Variants in DCUN1D4 observed in about 807,000 individuals in gnomAD.
The protein encoded by DCUN1D4 is DCN1-like protein 4.
DCUN1D4 carries 22 observed loss-of-function variants against 47.9 expected under a neutral mutation model. That is an observed-to-expected ratio of 0.46 (90% CI 0.33 to 0.66). DCUN1D4 has a LOEUF of 0.66. DCUN1D4 is among the 30% of genes least tolerant of loss of function. The probability of loss-of-function intolerance (pLI) is 0.02; values close to 1 mark genes in which losing one functional copy is unlikely to be tolerated. For missense variants in DCUN1D4, 301 were observed against 340.8 expected, an observed-to-expected ratio of 0.88 and a Z score of 0.92; for synonymous variants, 121 against 112.2, an observed-to-expected ratio of 1.08 and a Z score of -0.50.
chr4:51,839,803 T>A (rs1255876161), upstream of DCUN1D4, among the ~76,000 whole-genome samples: 1 of 152,174 alleles, frequency 6.6e-6, no homozygotes, highest in Non-Finnish European at 1.5e-5. Flanking sequence ...ACTATGCTAT[T>A]CTTCCTCCTA....
chr4:51,852,333 TAGG>T (rs1723496623), intron 1 of DCUN1D4, among the ~76,000 whole-genome samples: 2 of 152,238 alleles, frequency 1.3e-5, no homozygotes, highest in African/African-American at 4.8e-5. Context: ...TTTTTAAATA[TAGG>T]AGATCTCAAC....
chr4:51,910,100 G>A (rs1733497986), intron 8 of DCUN1D4, among the ~76,000 whole-genome samples: 2 of 152,094 alleles, frequency 1.3e-5, no homozygotes, highest in Non-Finnish European at 2.9e-5. Context: ...GGCTAGCCAG[G>A]CACTTTCTCC....
intron 1 of DCUN1D4, chr4:51,844,866 C>T (rs1722265293): frequency 1.0e-6 from 1 of 985,362 alleles, no homozygotes. Flanking sequence ...GCAGCGCGCC[C>T]TTGGAGCCTT....
At chr4:51,897,746 C>A (rs1731487986) in intron 7 of DCUN1D4, among the ~76,000 whole-genome samples, 1 of 152,176 alleles carries the variant, frequency 6.6e-6, no homozygotes, top group Admixed American at 6.5e-5. Context: ...CAAGGAAATG[C>A]TCAGAGACTT....
chr4:51,902,161 A>AT (rs922816704), intron 8 of DCUN1D4, among the ~76,000 whole-genome samples: 1 of 152,158 alleles, frequency 6.6e-6, no homozygotes, highest in Admixed American at 6.5e-5. Context: ...ACCCTGTATA[A>AT]TTTTTATCTA....
chr4:51,890,985 C>G (rs1730332299), intron 6 of DCUN1D4, among the ~76,000 whole-genome samples: 1 of 152,224 alleles, frequency 6.6e-6, no homozygotes, highest in African/African-American at 2.4e-5. Flanking sequence ...CCTGCCCCTC[C>G]TTTACAAGTG....
At chr4:51,834,053 TC>T in the DCUN1D4 span, among the ~76,000 whole-genome samples, 1 of 128,026 alleles carries the variant, frequency 7.8e-6, no homozygotes, top group African/African-American at 3.3e-5. Context: ...TCTCTCTCTC[TC>T]TCTCTCTCTC....
chr4:51,873,498 C>T (rs1727216233), intron 3 of DCUN1D4, among the ~76,000 whole-genome samples: 1 of 152,188 alleles, frequency 6.6e-6, no homozygotes, highest in Non-Finnish European at 1.5e-5. Flanking sequence ...CCTCCCTCCG[C>T]CTCCGTTTTC....
chr4:51,879,119 A>T (rs1351060893), intron 5 of DCUN1D4, among the ~76,000 whole-genome samples: 2 of 152,278 alleles, frequency 1.3e-5, no homozygotes, highest in East Asian at 1.9e-4. Flanking sequence ...GAGCTACCCC[A>T]ACATCTTTCT....
chr4:51,902,540 G>A (rs1578035473), intron 8 of DCUN1D4, among the ~76,000 whole-genome samples: 2 of 152,092 alleles, frequency 1.3e-5, no homozygotes, highest in South Asian at 4.1e-4. Flanking sequence ...AGTCTACTTC[G>A]TCCAATACAA....
chr4:51,881,272 G>A (rs1464774469), intron 5 of DCUN1D4, among the ~76,000 whole-genome samples: 1 of 152,198 alleles, frequency 6.6e-6, no homozygotes, highest in Admixed American at 6.5e-5. Flanking sequence ...ACATACATAG[G>A]TCATAATAGT....
In DCUN1D4 at chr4:51,914,940, AAAG is replaced by A. The variant is rs1451754561; in HGVS notation, c.*1357_*1359del. The stretch of plus-strand genomic sequence containing the variant: ...GTCCCTAAAGTTCTGTGAAAACACA[AAAG>A]TCTAATGATTTGAGTGAGTAAAAGG... On this transcript the variant is annotated 3_prime_UTR_variant, in exon 11 of 11. Transcript: ENST00000334635. 6.6e-6 allele frequency: 1 copy of A among 152,360 alleles called. No individual in the cohort carries two copies. Among genetic ancestry groups the A allele is most frequent in the Non-Finnish European group, 1.5e-5 (1 of 67,982 alleles). The allele number at this position is 152,360 out of a possible 1,614,324, so 9.4% of individuals were successfully genotyped here. A position where few individuals can be genotyped will look rare whatever the true frequency, so the allele number is the denominator to read the frequency against.
At chr4:51,903,465 C>T (rs1041341181) in intron 8 of DCUN1D4, among the ~76,000 whole-genome samples, 1 of 151,742 alleles carries the variant, frequency 6.6e-6, no homozygotes, top group East Asian at 1.9e-4. Flanking sequence ...TATAATATTC[C>T]CTGGAATAAT....
At chr4:51,849,841 G>C (rs1039941857) in intron 1 of DCUN1D4, among the ~76,000 whole-genome samples, 2 of 118,432 alleles carry the variant, frequency 1.7e-5, no homozygotes, top group Non-Finnish European at 1.6e-5. Flanking sequence ...ATATGTGTGT[G>C]TGTGCGTGCG....
At chr4:51,839,451 C>T (rs1164065110), upstream of DCUN1D4, among the ~76,000 whole-genome samples, 1 of 152,072 alleles carries the variant, frequency 6.6e-6, no homozygotes, top group Non-Finnish European at 1.5e-5. Flanking sequence ...ATTAGTTTAC[C>T]AGTACAGTAC....
chr4:51,873,712 GT>G (rs1727247327), intron 3 of DCUN1D4, among the ~76,000 whole-genome samples: 1 of 152,190 alleles, frequency 6.6e-6, no homozygotes, highest in Non-Finnish European at 1.5e-5. Flanking sequence ...CTGACTGAAT[GT>G]GGCAAAATCT....
At chr4:51,899,514 T>G in intron 8 of DCUN1D4, 136 bp downstream of exon 8, 1 of 1,466,944 alleles carries the variant, frequency 6.8e-7, no homozygotes, top group South Asian at 1.4e-5. Context: ...TTAGTATTTC[T>G]TTCTACATGT....
At chr4:51,884,309 T>C (rs1439251058) in intron 5 of DCUN1D4, 1 of 152,206 alleles carries the variant, frequency 6.6e-6, no homozygotes, top group Non-Finnish European at 1.5e-5. Flanking sequence ...AACAGCCACC[T>C]TATACTTTGT....
chr4:51,843,517 T>G, intron 1 of DCUN1D4: 1 of 1,279,772 alleles, frequency 7.8e-7, no homozygotes, highest in Non-Finnish European at 9.8e-7. Context: ...GGACTGGCTC[T>G]CTTTCAGTGT....
Sources: gnomAD v4.1 joint callset for allele counts (sites outside exome capture counted in the v4.1 genomes callset) on GRCh38, gnomAD v4.1.1 for gene constraint, MANE v1.5 for transcripts, NCBI Gene and HGNC (gene_info 2026-07-23, HGNC 2026-07-21) for gene names.